ABL1: variants seen among roughly 807,000 people sequenced by gnomAD.
ABL1 encodes ABL proto-oncogene 1, non-receptor tyrosine kinase, also known as tyrosine-protein kinase ABL1.
In ABL1, 11 loss-of-function variants were observed where a neutral mutation model predicts 94.7. That is an observed-to-expected ratio of 0.12 (90% confidence interval 0.07 to 0.19). The LOEUF is 0.19. Ranked by LOEUF, ABL1 falls within the 10% of genes least tolerant of loss-of-function variation. ABL1 has a pLI of 1.00. For synonymous variants in ABL1, 656 were observed against 622.4 expected, an observed-to-expected ratio of 1.05 and a Z score of -0.80; for missense variants, 1,082 against 1,489.4, an observed-to-expected ratio of 0.73 and a Z score of 4.50.
intron 7 of ABL1, among the ~76,000 whole-genome samples, chr9:130,878,054 C>G (rs1254539349): frequency 1.3e-5 from 2 of 152,144 alleles, no homozygotes. Context: ...ACCTCGTGAT[C>G]CGCCCGCCTC....
upstream of ABL1, among the ~76,000 whole-genome samples, chr9:130,834,712 G>T (rs977265979): frequency 3.9e-5 from 6 of 152,188 alleles, no homozygotes; most frequent in South Asian, 4.1e-4. Flanking sequence ...TGGATGTGCG[G>T]CCTCACCGGG....
upstream of ABL1, among the ~76,000 whole-genome samples, chr9:130,832,616 G>T (rs1414500940): frequency 2.6e-5 from 4 of 152,194 alleles, no homozygotes; most frequent in South Asian, 8.3e-4. Context: ...TTACTGTGAG[G>T]CTTAAGAGTG....
At chr9:130,860,020 C>G (rs1831046097) in intron 3 of ABL1, among the ~76,000 whole-genome samples, 1 of 152,164 alleles carries the variant, frequency 6.6e-6, no homozygotes, top group Admixed American at 6.5e-5. Context: ...TCCCATCCTT[C>G]AGGTTCATGC....
At chr9:130,770,702 C>T (rs1424390912) in intron 1 of ABL1, among the ~76,000 whole-genome samples, 1 of 152,146 alleles carries the variant, frequency 6.6e-6, no homozygotes, top group Non-Finnish European at 1.5e-5. Context: ...ACAGTTACAG[C>T]ACATAGTAAA....
chr9:130,809,494 T>G (rs1830178635), intron 1 of ABL1, among the ~76,000 whole-genome samples: 1 of 151,102 alleles, frequency 6.6e-6, no homozygotes, highest in Non-Finnish European at 1.5e-5. Context: ...TTATGGAGGC[T>G]GATAAGTCCC....
intron 4 of ABL1, among the ~76,000 whole-genome samples, chr9:130,865,746 CAAAAAA>C (rs36055589): frequency 1.6e-5 from 1 of 61,688 alleles, no homozygotes; most frequent in Non-Finnish European, 3.4e-5. Flanking sequence ...ACCCTGTCTC[CAAAAAA>C]AAAAAAAAAA....
At chr9:130,738,651 C>T (rs942497830) in intron 1 of ABL1, among the ~76,000 whole-genome samples, 1 of 152,160 alleles carries the variant, frequency 6.6e-6, no homozygotes, top group African/African-American at 2.4e-5. Flanking sequence ...CTCCAGTGTC[C>T]TCGTGGAACT....
chr9:130,799,484 C>G (rs1465840416), intron 1 of ABL1, among the ~76,000 whole-genome samples: 1 of 152,174 alleles, frequency 6.6e-6, no homozygotes, highest in Admixed American at 6.5e-5. Context: ...AGTCTAGGTG[C>G]TAATCTAGGT....
chr9:130,873,144 C>A, intron 6 of ABL1, 107 bp downstream of exon 6: 1 of 1,189,908 alleles, frequency 8.4e-7, no homozygotes, highest in Non-Finnish European at 1.2e-6. Context: ...CAGCTTCTAA[C>A]CTCAGTGCTG....
In ABL1 at chr9:130,731,135, T is replaced by C. The variant is rs1249968999; in HGVS notation, c.136+16680T>C. 3.3e-5 allele frequency among the ~76,000 whole-genome samples: 5 copies of C among 149,536 alleles called. No homozygotes were observed. In the South Asian group the frequency reaches 8.5e-4, roughly 26 times the overall value. ...GATTCTCCTGCCTCAGTCCCCCGAG[T>C]AGCTGGGATTACAGGCGCCCACCAC... On this transcript the variant is annotated intron_variant, in intron 1 of 10. Coordinates refer to the ABL1 transcript ENST00000372348.
intron 1 of ABL1, among the ~76,000 whole-genome samples, chr9:130,803,401 T>A (rs60993574): frequency 0.039 from 5,890 of 152,270 alleles, 372 homozygotes; most frequent in African/African-American, 0.13. Flanking sequence ...CAAAAATGCT[T>A]TGACTTTTTC....
intron 1 of ABL1, among the ~76,000 whole-genome samples, chr9:130,777,595 C>T (rs1218162721): frequency 1.9e-5 from 2 of 103,274 alleles, no homozygotes; most frequent in Non-Finnish European, 4.1e-5. Context: ...CGAGGAACCT[C>T]TCAGGGCTTT....
chr9:130,735,108 C>T (rs561027476), intron 1 of ABL1, among the ~76,000 whole-genome samples: 35 of 152,112 alleles, frequency 2.3e-4, no homozygotes, highest in Non-Finnish European at 4.6e-4. Context: ...TGGCTTACCG[C>T]AACCTCCGCC....
chr9:130,728,718 TC>T (rs1831624101), intron 1 of ABL1, among the ~76,000 whole-genome samples: 2 of 152,004 alleles, frequency 1.3e-5, no homozygotes, highest in South Asian at 4.1e-4. Context: ...TTTGTATTTT[TC>T]TGCTGAGATT....
chr9:130,722,310 T>C (rs548250036), intron 1 of ABL1, among the ~76,000 whole-genome samples: 2 of 152,052 alleles, frequency 1.3e-5, no homozygotes, highest in Non-Finnish European at 2.9e-5. Context: ...GGAGAATCGC[T>C]TGAACCTGGG....
At chr9:130,750,235 A>G (rs1020621380) in intron 1 of ABL1, among the ~76,000 whole-genome samples, 2 of 130,370 alleles carry the variant, frequency 1.5e-5, no homozygotes, top group African/African-American at 5.6e-5. Context: ...ATATATATAT[A>G]TCCAAGTATA....
intron 4 of ABL1, among the ~76,000 whole-genome samples, chr9:130,871,758 C>G (rs1588276335): frequency 6.6e-6 from 1 of 152,232 alleles, no homozygotes; most frequent in Non-Finnish European, 1.5e-5. Context: ...ACCAGGTTCC[C>G]TGGGGAAAGT....
rs1830569812 is a variant in ABL1, at chr9:130,835,767, C to CTG, written c.79+243_79+244insGT. Among the ~76,000 whole-genome samples the CTG allele has an allele frequency of 1.3e-5, 2 of 152,154 alleles. No homozygotes were observed. Among genetic ancestry groups the CTG allele is most frequent in the East Asian group, 1.9e-4 (1 of 5,196 alleles). On this transcript the variant is annotated intron_variant, in intron 1 of 10. Transcript: ENST00000318560. The surrounding 1 kb of genome is among the most constrained non-coding windows in gnomAD (Gnocchi z 4.6). ...TCTCTCTCTTTTTCTCTCTCTCTGTCTCTTTCTCTTTCTCGCGATGGCCCC... is the reference window on the plus strand; with the variant it reads ...TCTCTCTCTTTTTCTCTCTCTCTGTCTGTCTTTCTCTTTCTCGCGATGGCCCC...
intron 1 of ABL1, among the ~76,000 whole-genome samples, chr9:130,838,030 T>C (rs1830614481): frequency 6.6e-6 from 1 of 152,266 alleles, no homozygotes; most frequent in Non-Finnish European, 1.5e-5. Context: ...AACATAAAGA[T>C]GGCTAGCAAT....
Sources: allele counts gnomAD v4.1 joint callset (sites outside exome capture counted in the v4.1 genomes callset), GRCh38; gene constraint gnomAD v4.1.1; non-coding constraint Gnocchi (gnomAD v3.1); transcripts MANE v1.5; gene names NCBI Gene and HGNC (gene_info 2026-07-23, HGNC 2026-07-21).